Variants in ASIC2 observed in about 807,000 individuals in gnomAD.
The protein encoded by ASIC2 is acid-sensing ion channel 2.
A neutral mutation model predicts 57.3 loss-of-function variants in ASIC2; 25 were observed. The ratio of observed to expected loss-of-function variants is 0.44; its 90% confidence interval spans 0.32 to 0.61. The LOEUF (loss-of-function observed/expected upper bound fraction) is 0.61, where lower values mean the gene tolerates loss of function less well. Among genes scored for constraint, ASIC2 ranks in the 20% least tolerant of loss-of-function variants. ASIC2 has a pLI of 0.06. For missense variants in ASIC2, 641 were observed against 738.1 expected, an observed-to-expected ratio of 0.87 and a Z score of 1.52; for synonymous variants, 319 against 307.5, an observed-to-expected ratio of 1.04 and a Z score of -0.39.
chr17:33,133,083 G>A (rs1052048391), intron 1 of ASIC2, among the ~76,000 whole-genome samples: 1 of 152,238 alleles, frequency 6.6e-6, no homozygotes, highest in Non-Finnish European at 1.5e-5. Flanking sequence ...ATGGTAAATG[G>A]AGGAATCAGT....
intron 1 of ASIC2, among the ~76,000 whole-genome samples, chr17:33,478,816 T>C (rs1341403637): frequency 6.6e-6 from 1 of 152,332 alleles, no homozygotes; most frequent in Admixed American, 6.5e-5. Flanking sequence ...TTAAAATCTT[T>C]GTTTTTACTC....
intron 3 of ASIC2, among the ~76,000 whole-genome samples, chr17:33,054,064 TCAGCCTGCAACCATCTACC>T (rs1374940177): frequency 1.3e-5 from 2 of 152,104 alleles, no homozygotes; most frequent in Non-Finnish European, 2.9e-5. Flanking sequence ...TTTCTGCTTG[TCAGCCTGCAACCATCTACC>T]CAGCTTTCAA....
intron 1 of ASIC2, among the ~76,000 whole-genome samples, chr17:33,493,983 A>G (rs1335673852): frequency 1.3e-5 from 2 of 152,134 alleles, no homozygotes; most frequent in Non-Finnish European, 2.9e-5. Context: ...AAGGTGGGAG[A>G]CTCTTACAGC....
At chr17:33,564,082 GC>G (rs1340080666) in intron 1 of ASIC2, among the ~76,000 whole-genome samples, 1 of 152,136 alleles carries the variant, frequency 6.6e-6, no homozygotes, top group Non-Finnish European at 1.5e-5. Context: ...CACCGCGGCA[GC>G]CCCCCTGAGG....
intron 1 of ASIC2, among the ~76,000 whole-genome samples, chr17:33,597,098 C>G (rs922271628): frequency 2.0e-5 from 3 of 152,082 alleles, no homozygotes; most frequent in Admixed American, 1.3e-4. Flanking sequence ...GGCTGGCAGG[C>G]TGGCAGAGAA....
At chr17:33,179,257 T>A (rs1416043487) in intron 1 of ASIC2, among the ~76,000 whole-genome samples, 1 of 152,176 alleles carries the variant, frequency 6.6e-6, no homozygotes, top group Non-Finnish European at 1.5e-5. Context: ...ATACCCCCTG[T>A]GAGATTTCTG....
intron 3 of ASIC2, among the ~76,000 whole-genome samples, chr17:33,055,182 C>T (rs985319155): frequency 1.3e-5 from 2 of 152,218 alleles, no homozygotes; most frequent in African/African-American, 4.8e-5. Flanking sequence ...TGTTATGATT[C>T]GGGCAACCCC....
At chr17:33,297,936 CT>C (rs1905787180), upstream of ASIC2, among the ~76,000 whole-genome samples, 2 of 144,056 alleles carry the variant, frequency 1.4e-5, no homozygotes, top group Admixed American at 1.4e-4. Flanking sequence ...AAATCAATCT[CT>C]TTTTTCCCCT....
At chr17:33,479,357 T>A (rs883251) in intron 1 of ASIC2, among the ~76,000 whole-genome samples, 123,898 of 151,956 alleles carry the variant, frequency 0.82, 50,912 homozygotes, top group African/African-American at 0.92. Context: ...GGGAAAGAGA[T>A]TTTTTTTTAA....
intron 3 of ASIC2, among the ~76,000 whole-genome samples, chr17:33,058,451 T>A (rs941318435): frequency 2.1e-4 from 31 of 148,796 alleles, no homozygotes; most frequent in African/African-American, 7.0e-4. Context: ...ACCACTGTTT[T>A]TTCTCCCTTC....
intron 5 of ASIC2, 139 bp from the exon 6 acceptor site, chr17:33,024,153 G>A: frequency 9.0e-7 from 1 of 1,113,980 alleles, no homozygotes. Flanking sequence ...CAGGGATTGT[G>A]GAGAGAGGGG....
At chr17:33,408,106 C>T (rs1323240932) in intron 1 of ASIC2, among the ~76,000 whole-genome samples, 1 of 152,182 alleles carries the variant, frequency 6.6e-6, no homozygotes, top group Non-Finnish European at 1.5e-5. Flanking sequence ...AGTTTCCTTT[C>T]TTGCTCAGAT....
chr17:33,455,010 A>T (rs907576482), intron 1 of ASIC2, among the ~76,000 whole-genome samples: 2 of 152,234 alleles, frequency 1.3e-5, no homozygotes, highest in Non-Finnish European at 2.9e-5. Context: ...ACATTCAAAC[A>T]ATAGCAGCGA....
chr17:33,572,559 C>T (rs535760816), intron 1 of ASIC2, among the ~76,000 whole-genome samples: 2 of 152,270 alleles, frequency 1.3e-5, no homozygotes, highest in South Asian at 4.2e-4. Context: ...ACACCCCAAC[C>T]CTTGGTCATA....
chr17:33,451,261 G>T (rs1267062982), intron 1 of ASIC2, among the ~76,000 whole-genome samples: 1 of 151,940 alleles, frequency 6.6e-6, no homozygotes, highest in Non-Finnish European at 1.5e-5. Context: ...TTTTCATGTT[G>T]CCCAGGCTGG....
At chr17:33,288,715 G>GACACACAC (rs56013728) in intron 1 of ASIC2, among the ~76,000 whole-genome samples, 1,581 of 143,592 alleles carry the variant, frequency 0.011, 16 homozygotes, top group Middle Eastern at 0.029. Context: ...AGCTCTCTCT[G>GACACACAC]ACACACACAC....
At chr17:33,613,550 G>A (rs925023673) in intron 1 of ASIC2, among the ~76,000 whole-genome samples, 9 of 148,646 alleles carry the variant, frequency 6.1e-5, no homozygotes, top group South Asian at 2.1e-4. Flanking sequence ...GTTTTTTCTC[G>A]TAGAGACGGG....
intron 1 of ASIC2, among the ~76,000 whole-genome samples, chr17:33,964,738 A>T (rs1198089034): frequency 6.6e-6 from 1 of 152,164 alleles, no homozygotes; most frequent in African/African-American, 2.4e-5. Context: ...TTTCATTTGA[A>T]AGGGAAGTTT....
At chr17:33,573,244 G>T (rs1354607137) in intron 1 of ASIC2, among the ~76,000 whole-genome samples, 3 of 152,042 alleles carry the variant, frequency 2.0e-5, no homozygotes, top group African/African-American at 7.3e-5. Context: ...TGTTAAAGGG[G>T]GCCACTAGAC....
Sources: gnomAD v4.1 joint callset for allele counts (sites outside exome capture counted in the v4.1 genomes callset) on GRCh38, gnomAD v4.1.1 for gene constraint, MANE v1.5 for transcripts, NCBI Gene and HGNC (gene_info 2026-07-23, HGNC 2026-07-21) for gene names.